NRG1: variants seen among roughly 807,000 people sequenced by gnomAD.
The protein encoded by NRG1 is neuregulin 1.
A neutral mutation model predicts 63.8 loss-of-function variants in NRG1; 18 were observed. The ratio of observed to expected loss-of-function variants is 0.28; its 90% CI spans 0.19 to 0.42. The LOEUF is 0.42. Among genes scored for constraint, NRG1 ranks in the 10% least tolerant of loss-of-function variants. NRG1 has a pLI of 1.00. For missense variants in NRG1, 762 were observed against 814.7 expected (o/e 0.94, Z 0.79); for synonymous variants, 302 against 301.3 (o/e 1.00, Z -0.02).
chr8:31,970,242 C>T (rs573208105), intron 1 of NRG1, among the ~76,000 whole-genome samples: 1 of 152,094 alleles, frequency 6.6e-6, no homozygotes, highest in Non-Finnish European at 1.5e-5. Flanking sequence ...TAGATTACAA[C>T]CATTTTCAGG....
At chr8:31,978,529 G>A (rs554261967) in intron 1 of NRG1, among the ~76,000 whole-genome samples, 9 of 152,104 alleles carry the variant, frequency 5.9e-5, no homozygotes, top group East Asian at 5.8e-4. Context: ...TTACATCTCC[G>A]ATGGATTAAT....
chr8:32,611,912 T>G (rs928529738), intron 3 of NRG1, among the ~76,000 whole-genome samples: 2 of 152,056 alleles, frequency 1.3e-5, no homozygotes, highest in African/African-American at 2.4e-5. Context: ...ACATGTTACA[T>G]TCATAATAAT....
At chr8:32,179,367 A>G (rs891412367) in intron 1 of NRG1, among the ~76,000 whole-genome samples, 2 of 152,040 alleles carry the variant, frequency 1.3e-5, no homozygotes, top group Non-Finnish European at 2.9e-5. Flanking sequence ...TGCCTAAGAC[A>G]ATTTACCCCC....
intron 1 of NRG1, among the ~76,000 whole-genome samples, chr8:31,641,536 C>T (rs978363640): frequency 7.2e-5 from 11 of 152,040 alleles, no homozygotes; most frequent in Admixed American, 2.6e-4. Flanking sequence ...GTATTCTTCC[C>T]GGGTCTGCTT....
intron 1 of NRG1, among the ~76,000 whole-genome samples, chr8:32,514,830 A>G (rs980754351): frequency 2.0e-5 from 3 of 151,956 alleles, no homozygotes; most frequent in Admixed American, 1.3e-4. Flanking sequence ...TAAAAAAATA[A>G]TGTCGACTTT....
chr8:32,636,741 A>G (rs1352582758), intron 5 of NRG1, among the ~76,000 whole-genome samples: 1 of 152,222 alleles, frequency 6.6e-6, no homozygotes, highest in Non-Finnish European at 1.5e-5. Context: ...AAGCTCTTAG[A>G]TGTTCTATAG....
intron 1 of NRG1, among the ~76,000 whole-genome samples, chr8:31,845,063 C>T (rs186386114): frequency 2.7e-4 from 41 of 151,988 alleles, no homozygotes; most frequent in African/African-American, 8.0e-4. Context: ...GCTGAGATCA[C>T]GCCATTGCAC....
intron 1 of NRG1, among the ~76,000 whole-genome samples, chr8:32,477,614 C>A (rs544057534): frequency 1.3e-5 from 2 of 152,198 alleles, no homozygotes; most frequent in South Asian, 4.1e-4. Flanking sequence ...ATAGTTTTAC[C>A]ACCTATTTCT....
intron 1 of NRG1, among the ~76,000 whole-genome samples, chr8:32,417,281 C>G (rs1428483183): frequency 2.0e-5 from 3 of 152,092 alleles, no homozygotes; most frequent in African/African-American, 4.8e-5. Context: ...CCTTGGGTAA[C>G]TAAACAGCAT....
At chr8:31,954,017 T>C (rs1803929835) in intron 1 of NRG1, among the ~76,000 whole-genome samples, 1 of 152,172 alleles carries the variant, frequency 6.6e-6, no homozygotes, top group African/African-American at 2.4e-5. Flanking sequence ...GTTAAATAGC[T>C]GGACCTTCAT....
At chr8:32,259,967 A>G (rs1259518364) in intron 1 of NRG1, among the ~76,000 whole-genome samples, 1 of 152,082 alleles carries the variant, frequency 6.6e-6, no homozygotes, top group Non-Finnish European at 1.5e-5. Context: ...TTGGCTGTCA[A>G]CCGAATCTTG....
chr8:32,176,362 A>G (rs2132061016), intron 1 of NRG1, among the ~76,000 whole-genome samples: 1 of 152,330 alleles, frequency 6.6e-6, no homozygotes, highest in South Asian at 2.1e-4. Context: ...TAGACCTGAA[A>G]CCATAAAAAC....
chr8:31,887,789 A>G (rs913297132), intron 1 of NRG1, among the ~76,000 whole-genome samples: 6 of 152,086 alleles, frequency 3.9e-5, no homozygotes, highest in Non-Finnish European at 8.8e-5. Context: ...CTACAACTCG[A>G]CTGGGGATAG....
At chr8:32,677,103 G>T (rs1350646577) in intron 5 of NRG1, among the ~76,000 whole-genome samples, 1 of 152,068 alleles carries the variant, frequency 6.6e-6, no homozygotes, top group Non-Finnish European at 1.5e-5. Flanking sequence ...AGTATAGAGA[G>T]AGACTGAAAA....
At chr8:31,893,471 G>A (rs967722602) in intron 1 of NRG1, among the ~76,000 whole-genome samples, 10 of 151,082 alleles carry the variant, frequency 6.6e-5, no homozygotes, top group Non-Finnish European at 5.9e-5. Context: ...AATGGTAAAC[G>A]TTTTATATGT....
chr8:31,803,637 C>G (rs765921825), intron 1 of NRG1, among the ~76,000 whole-genome samples: 1 of 152,192 alleles, frequency 6.6e-6, no homozygotes, highest in Non-Finnish European at 1.5e-5. Context: ...TCCTGCTACT[C>G]ATTCCATAAG....
intron 1 of NRG1, among the ~76,000 whole-genome samples, chr8:32,267,890 G>A (rs975450338): frequency 3.9e-5 from 6 of 152,160 alleles, no homozygotes; most frequent in Non-Finnish European, 5.9e-5. Context: ...ATAATGGGCA[G>A]ACTTAAAATG....
At chr8:32,119,176 A>G (rs1486384569) in intron 1 of NRG1, among the ~76,000 whole-genome samples, 1 of 152,146 alleles carries the variant, frequency 6.6e-6, no homozygotes, top group Admixed American at 6.6e-5. Context: ...AAGAATGAGT[A>G]TTACAAGGCA....
At chr8:32,075,331 G>A (rs1826337024) in intron 1 of NRG1, among the ~76,000 whole-genome samples, 1 of 152,120 alleles carries the variant, frequency 6.6e-6, no homozygotes, top group East Asian at 1.9e-4. Context: ...TGCCAGTCAG[G>A]AAAAGGGGTA....
Sources: gnomAD v4.1 joint callset for allele counts (sites outside exome capture counted in the v4.1 genomes callset) on GRCh38, gnomAD v4.1.1 for gene constraint, MANE v1.5 for transcripts, NCBI Gene and HGNC (gene_info 2026-07-23, HGNC 2026-07-21) for gene names.